SDHC: variants seen among roughly 807,000 people sequenced by gnomAD.
SDHC encodes succinate dehydrogenase complex subunit C, also known as succinate dehydrogenase cytochrome b560 subunit, mitochondrial.
In SDHC, 11 loss-of-function variants were observed where a neutral mutation model predicts 22.6. The ratio of observed to expected loss-of-function variants is 0.49; its 90% CI spans 0.31 to 0.81. The LOEUF is 0.81. Among genes scored for constraint, SDHC ranks in the 30% least tolerant of loss-of-function variants. The pLI, the probability that SDHC is intolerant of heterozygous loss-of-function variation, is 0.05. For synonymous variants in SDHC, 80 were observed against 77.8 expected, an observed-to-expected ratio of 1.03 and a Z score of -0.15; for missense variants, 160 against 212.0, an observed-to-expected ratio of 0.75 and a Z score of 1.52.
chr1:161,338,542 C>T (rs1671580642), intron 3 of SDHC, among the ~76,000 whole-genome samples: 1 of 152,106 alleles, frequency 6.6e-6, no homozygotes, highest in Non-Finnish European at 1.5e-5. Flanking sequence ...GTTGGTTGTC[C>T]TTCAATGGAA....
At position 161,331,203 on chromosome 1, in the gene SDHC, A is replaced by G. The variant is rs117363509; in HGVS notation, c.179+2706A>G. Among the ~76,000 whole-genome samples the G allele has an allele frequency of 5.3e-3, 799 of 151,900 alleles. 17 individuals are homozygous for G. In the South Asian group the frequency reaches 0.055, roughly 10 times the overall value. On this transcript the variant is annotated intron_variant, in intron 3 of 5. Transcript: ENST00000367975. Reference sequence around the variant, plus strand: ...TGTGACTAAATATTCTGCCCTTTCAATCTTTCTCAGGTATTAACATAAGGT... The same window carrying G: ...TGTGACTAAATATTCTGCCCTTTCAGTCTTTCTCAGGTATTAACATAAGGT...
chr1:161,325,162 A>G (rs557955998), intron 2 of SDHC, among the ~76,000 whole-genome samples: 91 of 152,214 alleles, frequency 6.0e-4, no homozygotes, highest in African/African-American at 2.1e-3. Context: ...AGCTATGATC[A>G]TGCCACTGCA....
At chr1:161,323,041 C>T (rs970522316) in intron 1 of SDHC, among the ~76,000 whole-genome samples, 3 of 152,162 alleles carry the variant, frequency 2.0e-5, no homozygotes, top group Non-Finnish European at 4.4e-5. Flanking sequence ...CTCTGTCACC[C>T]GGGCTGGAGT....
intron 4 of SDHC, among the ~76,000 whole-genome samples, chr1:161,353,870 T>A (rs1672175362): frequency 1.3e-5 from 2 of 152,152 alleles, no homozygotes; most frequent in African/African-American, 4.8e-5. Context: ...AAGAAAAAAA[T>A]ATTTTTATTT....
At chr1:161,353,674 C>T (rs1672167719) in intron 4 of SDHC, among the ~76,000 whole-genome samples, 1 of 152,048 alleles carries the variant, frequency 6.6e-6, no homozygotes, top group African/African-American at 2.4e-5. Flanking sequence ...ATTGAGTAGA[C>T]ATTTTTTAAA....
intron 3 of SDHC, among the ~76,000 whole-genome samples, chr1:161,335,903 G>A (rs1177250308): frequency 6.6e-6 from 1 of 152,080 alleles, no homozygotes; most frequent in African/African-American, 2.4e-5. Context: ...TTGAAGATAA[G>A]TCCCTGTAAA....
At chr1:161,346,078 T>G (rs1350605452) in intron 4 of SDHC, among the ~76,000 whole-genome samples, 1 of 152,240 alleles carries the variant, frequency 6.6e-6, no homozygotes, top group Non-Finnish European at 1.5e-5. Flanking sequence ...GTGTTGGGAT[T>G]ACAGGCGTGA....
chr1:161,357,078 A>C (rs774495119), intron 5 of SDHC, among the ~76,000 whole-genome samples: 1 of 150,880 alleles, frequency 6.6e-6, no homozygotes, highest in African/African-American at 2.5e-5. Context: ...TTATAGACGC[A>C]TGCCACCACT....
intron 1 of SDHC, chr1:161,314,774 T>A: frequency 3.1e-6 from 1 of 327,514 alleles, no homozygotes; most frequent in Non-Finnish European, 5.7e-6. Flanking sequence ...CCATGGGTCC[T>A]ACGATTTCGA....
intron 3 of SDHC, among the ~76,000 whole-genome samples, chr1:161,333,697 C>T (rs1019334551): frequency 7.9e-5 from 12 of 152,170 alleles, no homozygotes; most frequent in Admixed American, 5.2e-4. Context: ...CCACGGCATC[C>T]GGCCTATGTT....
chr1:161,345,916 C>T (rs1671878839), intron 4 of SDHC, among the ~76,000 whole-genome samples: 1 of 152,068 alleles, frequency 6.6e-6, no homozygotes, highest in South Asian at 2.1e-4. Flanking sequence ...AGCAATTCTT[C>T]TGCCTCAGCC....
Position 161,328,415 on chromosome 1 carries a change from A to G in SDHC, c.97A>G (p.Thr33Ala), listed in dbSNP as rs747828462. 5.0e-6 allele frequency: 8 copies of G among 1,613,304 alleles called. No individual in the cohort carries two copies. The South Asian group carries it at 7.7e-5, about 16-fold the overall frequency. ...TTTTAGTGCTGTTCCTTTGGGAACCACGGCCAAAGAAGAGATGGAGCGGTT... is the reference window on the plus strand; with the variant it reads ...TTTTAGTGCTGTTCCTTTGGGAACCGCGGCCAAAGAAGAGATGGAGCGGTT... ...CIRNAVPLGT[T>A]AKEEMERFWN... Residue 33 changes from threonine to alanine, a missense_variant, in exon 3 of 6, where the codon ACG becomes GCG. Physicochemically the swap from Thr to Ala is moderately conservative, Grantham distance 58. This residue lies in a region of SDHC where 86 missense variants were observed against 83.4 expected (regional missense o/e 1.03). Transcript: ENST00000367975.
At chr1:161,337,019 GC>G (rs1315757588) in intron 3 of SDHC, among the ~76,000 whole-genome samples, 3 of 150,834 alleles carry the variant, frequency 2.0e-5, no homozygotes, top group Non-Finnish European at 4.4e-5. Flanking sequence ...ATAGACACAC[GC>G]CACCATGTCC....
chr1:161,330,395 CA>C (rs774540779), intron 3 of SDHC, among the ~76,000 whole-genome samples: 14 of 152,152 alleles, frequency 9.2e-5, no homozygotes, highest in Non-Finnish European at 1.6e-4. Context: ...CATTCCTGCT[CA>C]AAAAGTGAGA....
intron 1 of SDHC, among the ~76,000 whole-genome samples, chr1:161,316,945 GCC>G (rs1382316253): frequency 1.3e-5 from 2 of 151,736 alleles, no homozygotes; most frequent in Non-Finnish European, 2.9e-5. Context: ...AATAACTTGG[GCC>G]CACTTAAGAG....
At chr1:161,361,842 CA>C (rs35337467) in intron 5 of SDHC, among the ~76,000 whole-genome samples, 8,005 of 54,712 alleles carry the variant, frequency 0.15, 86 homozygotes, top group Middle Eastern at 0.2. Context: ...GAGTCCGTCT[CA>C]AAAAAAAAAA....
chr1:161,323,496 C>T, intron 1 of SDHC, 118 bp from the exon 2 acceptor site: 1 of 762,994 alleles, frequency 1.3e-6, no homozygotes, highest in Non-Finnish European at 2.3e-6. Context: ...GACACTGATA[C>T]TGTCATTGTT....
chr1:161,317,231 TCTTGGCCAGG>T (rs1443965116), intron 1 of SDHC, among the ~76,000 whole-genome samples: 2 of 152,058 alleles, frequency 1.3e-5, no homozygotes, highest in African/African-American at 4.8e-5. Flanking sequence ...GGTTTCACCA[TCTTGGCCAGG>T]CTGGTCTTAA....
chr1:161,352,387 C>T (rs1342890358), intron 4 of SDHC, among the ~76,000 whole-genome samples: 1 of 152,034 alleles, frequency 6.6e-6, no homozygotes, highest in Non-Finnish European at 1.5e-5. Context: ...TGGTAATGAT[C>T]CCAGATCTCC....
Sources: gnomAD v4.1 joint callset for allele counts (sites outside exome capture counted in the v4.1 genomes callset) on GRCh38, gnomAD v4.1.1 for gene constraint, gnomAD v4.1.1 regional missense constraint, MANE v1.5 for transcripts, NCBI Gene and HGNC (gene_info 2026-07-23, HGNC 2026-07-21) for gene names.